Variants in ABCG1 observed in about 807,000 individuals in gnomAD.
ABCG1 encodes ATP-binding cassette sub-family G member 1.
ABCG1 carries 29 observed loss-of-function variants against 69.2 expected under a neutral mutation model. The ratio of observed to expected loss-of-function variants is 0.42; its 90% CI spans 0.31 to 0.57. The LOEUF is 0.57. Ranked by LOEUF, ABCG1 falls within the 20% of genes least tolerant of loss-of-function variation. ABCG1 has a pLI of 0.15. For missense variants in ABCG1, 718 were observed against 898.1 expected (o/e 0.80, Z 2.56); for synonymous variants, 370 against 374.8 (o/e 0.99, Z 0.15).
Position 42,294,671 on chromosome 21 carries a change from T to TG in ABCG1, c.1772+15dup, listed in dbSNP as rs750310222. 3.7e-6 allele frequency: 6 copies of TG among 1,610,698 alleles called. No individual in the cohort carries two copies. The African/African-American group carries it at 8.0e-5, about 22-fold the overall frequency. ...CATCTCCTATGTCAGGTAGCGGGCG[T>TG]GGGGCACGCATGGCGTGGGGACCGA... On this transcript the variant is annotated intron_variant, in intron 14 of 14. Transcript: ENST00000398449.
chr21:42,248,709 G>C (rs547582544), intron 2 of ABCG1, among the ~76,000 whole-genome samples: 1 of 151,398 alleles, frequency 6.6e-6, no homozygotes, highest in African/African-American at 2.4e-5. Context: ...GCAACATGGC[G>C]AAACCCTGCC....
intron 1 of ABCG1, chr21:42,201,560 C>A: frequency 6.7e-7 from 1 of 1,487,324 alleles, no homozygotes; most frequent in South Asian, 1.2e-5. Context: ...TGTCGACCTT[C>A]TTCCACTCCA....
At chr21:42,220,038 A>T (rs1217784738) in intron 1 of ABCG1, 1 of 1,552,356 alleles carries the variant, frequency 6.4e-7, no homozygotes, top group East Asian at 2.4e-5. Flanking sequence ...ACTGCTGGAC[A>T]CAGTTACTGT....
At chr21:42,212,230 GA>G (rs35291846), upstream of ABCG1, among the ~76,000 whole-genome samples, 12,338 of 152,226 alleles carry the variant, frequency 0.081, 624 homozygotes, top group East Asian at 0.22. Context: ...CCAAGAAGCA[GA>G]GTGTTGCAGA....
upstream of ABCG1, among the ~76,000 whole-genome samples, chr21:42,215,275 C>A (rs1269536366): frequency 2.0e-5 from 3 of 152,236 alleles, no homozygotes; most frequent in Admixed American, 2.0e-4. Flanking sequence ...CCCCTGCACC[C>A]ACCCTCACAA....
At chr21:42,236,487 A>G (rs942897341) in intron 2 of ABCG1, among the ~76,000 whole-genome samples, 4 of 152,240 alleles carry the variant, frequency 2.6e-5, no homozygotes, top group Non-Finnish European at 5.9e-5. Flanking sequence ...CGGCGGGACT[A>G]GTTCCTTTGG....
chr21:42,211,781 T>C (rs144408632), upstream of ABCG1, among the ~76,000 whole-genome samples: 6,133 of 151,322 alleles, frequency 0.041, 408 homozygotes, highest in African/African-American at 0.14. Context: ...TCCAGCTACC[T>C]AGGAGGCTGA....
In ABCG1 at chr21:42,219,180, C is replaced by G. The variant is rs2067679117; in HGVS notation, c.-83C>G. The G allele has an allele frequency of 7.5e-6, 9 of 1,201,808 alleles. No homozygotes were observed. Among genetic ancestry groups the G allele is most frequent in the Non-Finnish European group, 8.4e-6 (8 of 955,070 alleles). The allele number at this position is 1,201,808 out of a possible 1,614,324, so 74.4% of individuals were successfully genotyped here. ...CCCGCACCCCGCGCAGCGGCTGAGC[C>G]GGGAGCCAGCGCAGCCTCGGCCCCG... is the stretch of plus-strand genomic sequence containing the variant. On this transcript the variant is annotated 5_prime_UTR_variant, in exon 1 of 15. Coordinates refer to ENST00000398449, the MANE Select transcript of ABCG1 (RefSeq NM_016818.3). This position sits in a 1 kb window ranked among gnomAD's most constrained non-coding sequence, Gnocchi z 5.3.
At position 42,201,524 on chromosome 21, in the gene ABCG1, T is replaced by G. The variant is rs566861279; in HGVS notation, c.-99-53T>G. The G allele has an allele frequency of 5.4e-5, 67 of 1,252,296 alleles. No individual in the cohort carries two copies. In the African/African-American group the frequency reaches 8.2e-4, roughly 15 times the overall value. 77.6% of individuals were successfully genotyped at this position (1,252,296 alleles called of 1,614,324 possible). A position where few individuals can be genotyped will look rare whatever the true frequency, so the allele number is the denominator to read the frequency against. ...TCTTACATGACAGGGTGAGCTACCC[T>G]GAGTTAATCTGAGTGAGCTTCATTC... On this transcript the variant is annotated intron_variant, in intron 1 of 15. Coordinates refer to the ABCG1 transcript ENST00000398457.
chr21:42,253,351 T>G (rs2068253449), intron 2 of ABCG1, among the ~76,000 whole-genome samples: 1 of 152,188 alleles, frequency 6.6e-6, no homozygotes, highest in South Asian at 2.1e-4. Context: ...CCAGCCATCA[T>G]GTGGTTTGGG....
At position 42,273,324 on chromosome 21, in the gene ABCG1, C is replaced by A; in HGVS notation, c.426C>A (p.Ala142=). The A allele has an allele frequency of 6.2e-7, 1 of 1,613,496 alleles. No homozygotes were observed. Among genetic ancestry groups the A allele is most frequent in the Non-Finnish European group, 8.5e-7 (1 of 1,179,906 alleles). The stretch of plus-strand genomic sequence containing the variant: ...GCAGGGAGACGGGCATGAAGGGGGC[C>A]GTCCTCATCAACGGCCTGCCCCGGG... ...AGYRETGMKG[A]VLINGLPRDL... is the part of the protein sequence containing the mutation. Residue 142 remains alanine, a synonymous_variant, in exon 4 of 15, where the codon GCC becomes GCA. Transcript: ENST00000398449. This position sits in a 1 kb window ranked among gnomAD's most constrained non-coding sequence, Gnocchi z 5.3.
chr21:42,291,061 G>T lies in ABCG1; in HGVS notation c.1394-31G>T, dbSNP rs1420672302. ...AACGGGCTCGCTGCACATGGTCACT[G>T]ACCCTTCTTTTTTGCTTTTCTATCT... On this transcript the variant is annotated intron_variant, in intron 11 of 14. Coordinates refer to ENST00000398449, the MANE Select transcript of ABCG1 (RefSeq NM_016818.3). This position sits in a 1 kb window ranked among gnomAD's most constrained non-coding sequence, Gnocchi z 6.4. 2 of 1,556,276 alleles carry T rather than the reference G, an allele frequency of 1.3e-6. No homozygotes were observed. The highest frequency in any genetic ancestry group is 1.8e-6 in the Non-Finnish European group (2 of 1,128,470).
intron 7 of ABCG1, 130 bp from the exon 8 acceptor site, chr21:42,285,748 GGA>G (rs2068927390): frequency 4.3e-6 from 3 of 705,524 alleles, no homozygotes; most frequent in Non-Finnish European, 7.7e-6. Flanking sequence ...AAAGCTCTCA[GGA>G]GAGGAAGTGG....
At chr21:42,268,820 G>A (rs963897237) in intron 2 of ABCG1, among the ~76,000 whole-genome samples, 1 of 152,104 alleles carries the variant, frequency 6.6e-6, no homozygotes, top group Admixed American at 6.5e-5. Flanking sequence ...TGAGAGGGCC[G>A]AATGCTCCCA....
upstream of ABCG1, among the ~76,000 whole-genome samples, chr21:42,212,054 G>T (rs1259772157): frequency 6.6e-6 from 1 of 152,216 alleles, no homozygotes; most frequent in Non-Finnish European, 1.5e-5. Flanking sequence ...GGGCACAGAA[G>T]GCACACCTAT....
intron 2 of ABCG1, among the ~76,000 whole-genome samples, chr21:42,228,643 C>A (rs115942517): frequency 0.025 from 3,791 of 152,310 alleles, 148 homozygotes; most frequent in African/African-American, 0.086. Flanking sequence ...AGTGGCCATG[C>A]CTTGTCTAGC....
At chr21:42,293,366 C>T (rs1171882186) in intron 13 of ABCG1, among the ~76,000 whole-genome samples, 1 of 147,240 alleles carries the variant, frequency 6.8e-6, no homozygotes, top group African/African-American at 2.5e-5. Context: ...ACTACACACA[C>T]ACCACACTAC....
chr21:42,288,754 A>AGGAAG lies in ABCG1; in HGVS notation c.1224+454_1224+458dup, dbSNP rs1230358043. ...AAGGAAGGGAAAGGGAAAGGGAGAAAGGAAGGGAAGGGAAGGAAAGGAAAG... is the reference window on the plus strand; with the variant it reads ...AAGGAAGGGAAAGGGAAAGGGAGAAAGGAAGGGAAGGGAAGGGAAGGAAAGGAAAG... On this transcript the variant is annotated intron_variant, in intron 10 of 14. Transcript: ENST00000398449. The surrounding 1 kb of genome is among the most constrained non-coding windows in gnomAD (Gnocchi z 4.8). 2.0e-5 allele frequency among the ~76,000 whole-genome samples: 3 copies of AGGAAG among 151,302 alleles called. No homozygotes were observed. Among genetic ancestry groups the AGGAAG allele is most frequent in the South Asian group, 2.1e-4 (1 of 4,772 alleles).
At chr21:42,283,019 GC>G (rs2068842037) in intron 6 of ABCG1, among the ~76,000 whole-genome samples, 1 of 152,196 alleles carries the variant, frequency 6.6e-6, no homozygotes, top group African/African-American at 2.4e-5. Flanking sequence ...TGGATCTGGT[GC>G]CCCCAGCCGC....
Sources: gnomAD v4.1 joint callset for allele counts (sites outside exome capture counted in the v4.1 genomes callset) on GRCh38, gnomAD v4.1.1 for gene constraint, Gnocchi (gnomAD v3.1) non-coding constraint, MANE v1.5 for transcripts, NCBI Gene and HGNC (gene_info 2026-07-23, HGNC 2026-07-21) for gene names.